The following TSBP1 variants were observed in gnomAD, a reference collection of about 807,000 sequenced individuals.
The protein encoded by TSBP1 is testis-expressed basic protein 1.
Under a neutral mutation model 68.8 loss-of-function variants are expected in TSBP1, and 56 were observed. The ratio of observed to expected loss-of-function variants is 0.81; its 90% CI spans 0.66 to 1.02. TSBP1 has a LOEUF of 1.02. TSBP1 is among the 50% of genes least tolerant of loss of function. The pLI, the probability that TSBP1 is intolerant of heterozygous loss-of-function variation, is 0.00. For missense variants in TSBP1, 502 were observed against 641.2 expected (o/e 0.78, Z 2.34); for synonymous variants, 171 against 208.7 (o/e 0.82, Z 1.56).
At chr6:32,344,861 T>TGG (rs1770800559) in intron 9 of TSBP1, among the ~76,000 whole-genome samples, 5 of 143,620 alleles carry the variant, frequency 3.5e-5, no homozygotes, top group South Asian at 2.2e-4. Context: ...GTTTTTTTTT[T>TGG]GGGGCTGGGG....
intron 16 of TSBP1, among the ~76,000 whole-genome samples, chr6:32,329,514 C>A (rs1194175773): frequency 6.6e-6 from 1 of 152,126 alleles, no homozygotes; most frequent in Non-Finnish European, 1.5e-5. Context: ...TAGTTAGAAC[C>A]AGAATTCAGG....
Position 32,333,682 on chromosome 6 carries a change from G to A in TSBP1, c.473-1628C>T, listed in dbSNP as rs1583078541. ...TGGCAAACTGTGCTTCCTCCCTTAG[G>A]TCCTACTGAGTAGACTGTTCCCAGA... On this transcript the variant is annotated intron_variant, in intron 14 of 22. Coordinates refer to ENST00000612031, the Ensembl canonical transcript of TSBP1. The surrounding 1 kb of genome is among the most constrained non-coding windows in gnomAD (Gnocchi z 4.2). 6.6e-6 allele frequency among the ~76,000 whole-genome samples: 1 copy of A among 152,210 alleles called. No homozygotes were observed.
At chr6:32,341,706 A>G (rs1770379312) in intron 9 of TSBP1, among the ~76,000 whole-genome samples, 1 of 152,156 alleles carries the variant, frequency 6.6e-6, no homozygotes, top group Admixed American at 6.5e-5. Context: ...TCGTTACTTT[A>G]AGGATAGGTA....
intron 10 of TSBP1, 192 bp downstream of exon 11, chr6:32,339,405 AGTT>A (rs1770067547): frequency 1.5e-6 from 1 of 683,458 alleles, no homozygotes; most frequent in African/African-American, 1.8e-5. Context: ...TAAAATTGCA[AGTT>A]TTTCTCCTTT....
At chr6:32,317,475 A>G (rs1767087432) in intron 18 of TSBP1, among the ~76,000 whole-genome samples, 1 of 152,234 alleles carries the variant, frequency 6.6e-6, no homozygotes, top group African/African-American at 2.4e-5. Context: ...AATTGAGCTA[A>G]AGAGCTTCTG....
rs199644787 is a variant in TSBP1, at chr6:32,332,596, GTTTTT to G, written c.473-547_473-543del. On this transcript the variant is annotated intron_variant, in intron 14 of 22. Transcript: ENST00000612031. ...GAGCAAAGAGTCAACAAAACCTTCT[GTTTTT>G]TTTTGTTTTGTTTTGTTTTGTTTTT... Among the ~76,000 whole-genome samples, 1,017 of 150,752 alleles carry G rather than the reference GTTTTT, an allele frequency of 6.7e-3. 17 individuals carry two copies. The highest frequency in any genetic ancestry group is 0.02 in the East Asian group (102 of 5,132).
intron 19 of TSBP1, among the ~76,000 whole-genome samples, chr6:32,303,122 A>G (rs1227114453): frequency 6.6e-6 from 1 of 151,986 alleles, no homozygotes; most frequent in Non-Finnish European, 1.5e-5. Context: ...AATAGTCTGG[A>G]AATGTTCCTA....
intron 10 of TSBP1, 141 bp from the exon 12 acceptor site, chr6:32,339,140 T>C (rs1770027938): frequency 2.7e-6 from 2 of 731,574 alleles, no homozygotes; most frequent in Middle Eastern, 4.8e-4. Context: ...TTTTCCTTTT[T>C]TCCTTAGGAG....
chr6:32,309,211 A>G (rs1240603838), intron 19 of TSBP1, among the ~76,000 whole-genome samples: 1 of 151,712 alleles, frequency 6.6e-6, no homozygotes, highest in Non-Finnish European at 1.5e-5. Context: ...TGGCCTCCCA[A>G]AGTGCAGGGC....
rs146486562 is a variant in TSBP1 at position 32,316,846 on chromosome 6, C to G, written c.560-1054G>C. Among the ~76,000 whole-genome samples the G allele has an allele frequency of 0.039, 5,981 of 152,078 alleles. 335 individuals carry two copies. The highest frequency in any genetic ancestry group is 0.12 in the African/African-American group (5,126 of 41,412). On this transcript the variant is annotated intron_variant, in intron 18 of 22. Coordinates refer to ENST00000612031, the Ensembl canonical transcript of TSBP1. This position sits in a 1 kb window ranked among gnomAD's most constrained non-coding sequence, Gnocchi z 4.5. ...AGGCGCCTTGGCTCACACCTGTAAT[C>G]CCAGCACTTTGGGAGGTCGAGGCAG...
At chr6:32,323,680 G>C in intron 16 of TSBP1, 66 bp from the exon 18 acceptor site, 1 of 1,478,144 alleles carries the variant, frequency 6.8e-7, no homozygotes, top group Non-Finnish European at 9.4e-7. Context: ...TCTATGTAGA[G>C]AGTTTCTTCT....
Position 32,333,203 on chromosome 6 carries a change from G to T in TSBP1, c.473-1149C>A, listed in dbSNP as rs1322147382. On this transcript the variant is annotated intron_variant, in intron 14 of 22. Transcript: ENST00000612031. This position sits in a 1 kb window ranked among gnomAD's most constrained non-coding sequence, Gnocchi z 4.2. ...TTTGTATTTTTTTAAGTAGAGATGG[G>T]GTTTCACCATATTGGCCAGGCTGGT... Among the ~76,000 whole-genome samples the T allele has an allele frequency of 6.6e-6, 1 of 150,840 alleles. No homozygotes were observed. The highest frequency in any genetic ancestry group is 1.5e-5 in the Non-Finnish European group (1 of 67,742).
At chr6:32,358,912 TA>T (rs1772662801) in intron 6 of TSBP1, among the ~76,000 whole-genome samples, 1 of 16,770 alleles carries the variant, frequency 6.0e-5, no homozygotes, top group South Asian at 3.5e-3. Flanking sequence ...TGATTTGTTT[TA>T]TTATTATTAT....
At chr6:32,356,744 A>G (rs1772390495) in intron 6 of TSBP1, 1 of 154,152 alleles carries the variant, frequency 6.5e-6, no homozygotes, top group African/African-American at 2.4e-5. Flanking sequence ...GGGAAAATAT[A>G]TCAAGATGTT....
chr6:32,324,397 T>G (rs1767977631), intron 16 of TSBP1: 1 of 630,150 alleles, frequency 1.6e-6, no homozygotes, highest in Non-Finnish European at 2.9e-6. Flanking sequence ...TTTGTAAAAT[T>G]TTTTTCTCTG....
rs948715958 is a variant in TSBP1 at position 32,324,403 on chromosome 6, C to A, written c.515-789G>T. 31 of 642,636 alleles carry A rather than the reference C, an allele frequency of 4.8e-5. 1 individual carries two copies. Among genetic ancestry groups the A allele is most frequent in the East Asian group, 1.5e-4 (5 of 32,440 alleles). 39.8% of individuals were successfully genotyped at this position (642,636 alleles called of 1,614,324 possible). On this transcript the variant is annotated intron_variant, in intron 16 of 22. Coordinates refer to ENST00000612031, the Ensembl canonical transcript of TSBP1. ...CTTTGAAATTTTGTAAAATTTTTTT[C>A]TCTGCTCTGACTTATCTCTTCCCTT...
At chr6:32,339,193 C>A (rs3117138) in intron 10 of TSBP1, among the ~76,000 whole-genome samples, 194 bp from the exon 12 acceptor site, 116,405 of 152,114 alleles carry the variant, frequency 0.77, 44,789 homozygotes, top group South Asian at 0.88. Flanking sequence ...TCTTATTCTT[C>A]ATTTTCATTA....
intron 19 of TSBP1, among the ~76,000 whole-genome samples, chr6:32,307,939 C>A (rs1288120697): frequency 6.6e-6 from 1 of 151,878 alleles, no homozygotes; most frequent in Non-Finnish European, 1.5e-5. Context: ...CCATGCCTGG[C>A]TAATTTTGTA....
intron 16 of TSBP1, among the ~76,000 whole-genome samples, chr6:32,328,961 T>G (rs1326073268): frequency 6.6e-6 from 1 of 152,194 alleles, no homozygotes; most frequent in Non-Finnish European, 1.5e-5. Context: ...AGTGGTGAAG[T>G]CTGGGCTTTT....
Sources: gnomAD v4.1 joint callset for allele counts (sites outside exome capture counted in the v4.1 genomes callset) on GRCh38, gnomAD v4.1.1 for gene constraint, Gnocchi (gnomAD v3.1) non-coding constraint, MANE v1.5 for transcripts, NCBI Gene and HGNC (gene_info 2026-07-23, HGNC 2026-07-21) for gene names.